Variants in TMEM132D observed in about 807,000 individuals in gnomAD.
TMEM132D encodes the protein transmembrane protein 132D, also known as mature OL transmembrane protein.
TMEM132D carries 21 observed loss-of-function variants against 62.3 expected under a neutral mutation model. That is an observed-to-expected ratio of 0.34 (90% CI 0.24 to 0.49). The LOEUF (loss-of-function observed/expected upper bound fraction) is 0.49, where lower values mean the gene tolerates loss of function less well. Among genes scored for constraint, TMEM132D ranks in the 20% least tolerant of loss-of-function variants. The probability of loss-of-function intolerance (pLI) is 0.99; values close to 1 mark genes in which losing one functional copy is unlikely to be tolerated. For missense variants in TMEM132D, 1,346 were observed against 1,402.8 expected (o/e 0.96, Z 0.65); for synonymous variants, 621 against 575.6 (o/e 1.08, Z -1.13).
chr12:129,310,027 A>G (rs2135634231), intron 4 of TMEM132D, among the ~76,000 whole-genome samples: 1 of 152,270 alleles, frequency 6.6e-6, no homozygotes, highest in South Asian at 2.1e-4. Context: ...AAAAAGTGCT[A>G]CAGCCAGAAA....
In TMEM132D at chr12:129,627,177, CCAAA is replaced by C. The variant is rs377637126; in HGVS notation, c.968+72629_968+72632del. ...CAAGAGAGCAGTTCACCTGACCTCC[CCAAA>C]CAGTCATGCACTGCACAAGGACATT... On this transcript the variant is annotated intron_variant, in intron 2 of 8. Transcript: ENST00000422113. 6.1e-3 allele frequency among the ~76,000 whole-genome samples: 927 copies of C among 152,212 alleles called. 11 individuals are homozygous for C. Among genetic ancestry groups the C allele is most frequent in the African/African-American group, 0.022 (895 of 41,526 alleles).
intron 2 of TMEM132D, among the ~76,000 whole-genome samples, chr12:129,551,213 T>C (rs534954653): frequency 7.2e-5 from 11 of 152,370 alleles, no homozygotes; most frequent in African/African-American, 2.6e-4. Context: ...CTAACTTTTG[T>C]CCTTCCAAGT....
Position 129,260,808 on chromosome 12 carries a change from C to T in TMEM132D, c.1300-51145G>A, listed in dbSNP as rs182998907. 5.4e-5 allele frequency among the ~76,000 whole-genome samples: 8 copies of T among 148,338 alleles called. No homozygotes were observed. The South Asian group carries it at 1.1e-3, about 20-fold the overall frequency. ...GAGCTACTTCACTTAGAATAATGGC[C>T]TCCAGCTCCATCTAAGTTGCTGGAA... On this transcript the variant is annotated intron_variant, in intron 4 of 8. Transcript: ENST00000422113.
chr12:129,118,436 C>G (rs922889579), intron 5 of TMEM132D, among the ~76,000 whole-genome samples: 1 of 152,228 alleles, frequency 6.6e-6, no homozygotes, highest in African/African-American at 2.4e-5. Context: ...AGCCCCAGCA[C>G]TCCCTTGGAG....
At chr12:129,838,850 A>G (rs922522396) in intron 1 of TMEM132D, among the ~76,000 whole-genome samples, 1 of 152,188 alleles carries the variant, frequency 6.6e-6, no homozygotes, top group African/African-American at 2.4e-5. Context: ...GCAAGGGAAC[A>G]AGGTAACTGA....
At position 129,103,658 on chromosome 12, in the gene TMEM132D, C is replaced by T. The variant is rs570514091; in HGVS notation, c.1444-18956G>A. Reference sequence around the variant, plus strand: ...TCAGCCTCCTAAAGTGCTGGGATTACAGGCGTGAGCCACCACGCCTGGCCT... The same window carrying T: ...TCAGCCTCCTAAAGTGCTGGGATTATAGGCGTGAGCCACCACGCCTGGCCT... On this transcript the variant is annotated intron_variant, in intron 5 of 8. Transcript: ENST00000422113. 1.8e-4 allele frequency among the ~76,000 whole-genome samples: 28 copies of T among 152,306 alleles called. No individual in the cohort carries two copies. In the East Asian group the frequency reaches 3.9e-3, roughly 21 times the overall value.
intron 3 of TMEM132D, among the ~76,000 whole-genome samples, chr12:129,402,955 T>C (rs1425980575): frequency 6.6e-6 from 1 of 152,170 alleles, no homozygotes; most frequent in African/African-American, 2.4e-5. Flanking sequence ...CTTTGACTTA[T>C]GTAAAACAGT....
At position 129,700,138 on chromosome 12, in the gene TMEM132D, T is replaced by C. The variant is rs759373256; in HGVS notation, c.640A>G (p.Lys214Glu). The change falls in exon 2 of 9, where the codon AAG becomes GAG. Residue 214 changes from lysine (K) to glutamate (E), a missense_variant. Transcript: ENST00000422113. ...GTCCCCTCCGGCTGGTCCACGGACT[T>C]CCTCCTCCCGGCAACCACCGTGGGG... ...SPPTVVAGRR[K>E]SVDQPEGTPV... 5.6e-6 allele frequency: 9 copies of C among 1,613,010 alleles called. No homozygotes were observed. The African/African-American group carries it at 1.2e-4, about 22-fold the overall frequency.
chr12:129,849,147 C>T (rs79696977), intron 1 of TMEM132D, among the ~76,000 whole-genome samples: 1,875 of 152,268 alleles, frequency 0.012, 40 homozygotes, highest in African/African-American at 0.042. Context: ...GCATCCCTGG[C>T]TTTCCAGTCT....
intron 4 of TMEM132D, among the ~76,000 whole-genome samples, chr12:129,281,542 G>T (rs758214906): frequency 6.6e-6 from 1 of 152,002 alleles, no homozygotes; most frequent in Non-Finnish European, 1.5e-5. Flanking sequence ...TGATGGAGAG[G>T]CATTTGTTTT....
At chr12:129,477,209 T>C (rs1244609287) in intron 3 of TMEM132D, among the ~76,000 whole-genome samples, 3 of 152,170 alleles carry the variant, frequency 2.0e-5, no homozygotes, top group Non-Finnish European at 4.4e-5. Flanking sequence ...CTCCAGACAT[T>C]GCCGAAGTGA....
At chr12:129,108,747 CTT>C (rs1875584833) in intron 5 of TMEM132D, among the ~76,000 whole-genome samples, 1 of 152,208 alleles carries the variant, frequency 6.6e-6, no homozygotes, top group South Asian at 2.1e-4. Context: ...CACACATCGT[CTT>C]GAGTTCTCAA....
chr12:129,121,732 C>T (rs547644483), intron 5 of TMEM132D, among the ~76,000 whole-genome samples: 1 of 152,150 alleles, frequency 6.6e-6, no homozygotes, highest in African/African-American at 2.4e-5. Flanking sequence ...CACACAGACA[C>T]AGAAAATATG....
At chr12:129,464,133 C>A (rs1208411856) in intron 3 of TMEM132D, among the ~76,000 whole-genome samples, 3 of 148,788 alleles carry the variant, frequency 2.0e-5, no homozygotes, top group Admixed American at 6.7e-5. Flanking sequence ...CTCTCCAGCA[C>A]CTCTTGTTTC....
chr12:129,399,177 A>T (rs182173709), intron 3 of TMEM132D, among the ~76,000 whole-genome samples: 2 of 147,134 alleles, frequency 1.4e-5, no homozygotes, highest in Admixed American at 1.3e-4. Context: ...CAATCAACTC[A>T]CTTCTGCAAT....
At chr12:129,794,604 A>C (rs1871506064) in intron 1 of TMEM132D, among the ~76,000 whole-genome samples, 1 of 152,186 alleles carries the variant, frequency 6.6e-6, no homozygotes, top group Non-Finnish European at 1.5e-5. Context: ...TATGATATTG[A>C]GCCTTCCATA....
intron 1 of TMEM132D, among the ~76,000 whole-genome samples, chr12:129,768,105 G>A (rs547246634): frequency 1.3e-5 from 2 of 152,104 alleles, no homozygotes; most frequent in East Asian, 1.9e-4. Context: ...AGAATTGTGG[G>A]AGCTATAGTT....
intron 3 of TMEM132D, among the ~76,000 whole-genome samples, chr12:129,462,420 A>G (rs545209190): frequency 1.6e-4 from 24 of 152,348 alleles, no homozygotes; most frequent in African/African-American, 5.8e-4. Flanking sequence ...GGAGTTTTAG[A>G]AATTGAAATA....
chr12:129,463,363 G>A (rs563069922), intron 3 of TMEM132D, among the ~76,000 whole-genome samples: 219 of 151,872 alleles, frequency 1.4e-3, no homozygotes, highest in African/African-American at 4.9e-3. Flanking sequence ...ACATTCACAG[G>A]TAAGCCTATC....
Sources: gnomAD v4.1 joint callset for allele counts (sites outside exome capture counted in the v4.1 genomes callset) on GRCh38, gnomAD v4.1.1 for gene constraint, MANE v1.5 for transcripts, NCBI Gene and HGNC (gene_info 2026-07-23, HGNC 2026-07-21) for gene names.